Variants in QSER1 observed in about 807,000 individuals in gnomAD.
QSER1 encodes the protein glutamine and serine rich 1.
QSER1 carries 49 observed loss-of-function variants against 158.5 expected under a neutral mutation model. The observed-to-expected ratio is 0.31, with a 90% CI of 0.25 to 0.39. QSER1 has a LOEUF of 0.39. Ranked by LOEUF, QSER1 falls within the 10% of genes least tolerant of loss-of-function variation. The pLI is 1.00. For missense variants in QSER1, 1,754 were observed against 2,010.3 expected (o/e 0.87, Z 2.44); for synonymous variants, 650 against 715.5 (o/e 0.91, Z 1.46).
chr11:32,952,038 C>T (rs1162222785), intron 4 of QSER1, among the ~76,000 whole-genome samples: 1 of 152,046 alleles, frequency 6.6e-6, no homozygotes, highest in Non-Finnish European at 1.5e-5. Context: ...TGGGGTTTCA[C>T]CATGTTGGCC....
rs1246410678 is a variant in QSER1 at position 32,934,683 on chromosome 11, G to C, written c.3425G>C (p.Ser1142Thr). The change falls in exon 4 of 13, where the codon AGT becomes ACT. Residue 1142 changes from serine to threonine, a missense_variant. Coordinates refer to ENST00000650167, the MANE Select transcript of QSER1 (RefSeq NM_001076786.3). ...RNQEFVSSSR[S>T]ISGENATSES... ...CAAGAGTTTGTTTCTAGTAGTAGAA[G>C]TATAAGTGGAGAGAATGCTACATCA... The C allele has an allele frequency of 1.9e-6, 3 of 1,613,920 alleles. No individual in the cohort carries two copies. The highest frequency in any genetic ancestry group is 3.3e-5 in the Admixed American group (2 of 59,980).
At chr11:32,964,570 A>T (rs1427657745) in intron 8 of QSER1, among the ~76,000 whole-genome samples, 2 of 151,844 alleles carry the variant, frequency 1.3e-5, no homozygotes, top group East Asian at 1.9e-4. Flanking sequence ...TTTAAAATAC[A>T]TACACCTACT....
At chr11:32,955,221 CTT>C in intron 5 of QSER1, 73 bp from the exon 6 acceptor site, 1 of 792,322 alleles carries the variant, frequency 1.3e-6, no homozygotes, top group Non-Finnish European at 2.0e-6. Context: ...TTTCAGATTC[CTT>C]TCATCTCTAA....
intron 4 of QSER1, among the ~76,000 whole-genome samples, chr11:32,952,760 T>TA (rs1174131691): frequency 6.6e-6 from 1 of 151,376 alleles, no homozygotes; most frequent in Non-Finnish European, 1.5e-5. Flanking sequence ...TTTTTTTTTT[T>TA]ACTTTGTATT....
chr11:32,973,828 A>G (rs1852918408), intron 11 of QSER1, among the ~76,000 whole-genome samples: 1 of 152,166 alleles, frequency 6.6e-6, no homozygotes, highest in Non-Finnish European at 1.5e-5. Context: ...ATTTGTAGGT[A>G]GTTTTTCATT....
At chr11:32,926,400 CTGA>C (rs1470351819) in intron 1 of QSER1, among the ~76,000 whole-genome samples, 2 of 151,990 alleles carry the variant, frequency 1.3e-5, no homozygotes, top group African/African-American at 4.8e-5. Flanking sequence ...TGAGATGCAA[CTGA>C]TGATATCTCC....
intron 9 of QSER1, 91 bp downstream of exon 9, chr11:32,966,528 T>A: frequency 8.4e-7 from 1 of 1,194,138 alleles, no homozygotes; most frequent in Non-Finnish European, 1.2e-6. Context: ...ATATGTGACT[T>A]GTGTAATATA....
intron 9 of QSER1, 89 bp downstream of exon 9, chr11:32,966,526 C>T (rs2133602332): frequency 8.0e-7 from 1 of 1,257,842 alleles, no homozygotes; most frequent in Non-Finnish European, 1.1e-6. Context: ...TTATATGTGA[C>T]TTGTGTAATA....
At chr11:32,961,089 T>C (rs1023276982) in intron 8 of QSER1, among the ~76,000 whole-genome samples, 2 of 152,230 alleles carry the variant, frequency 1.3e-5, no homozygotes, top group African/African-American at 2.4e-5. Context: ...AACTATACTT[T>C]CCAAAACTAA....
rs749944030 is a variant in QSER1, at chr11:32,934,799, G to A, written c.3541G>A (p.Gly1181Arg). Reference protein sequence around the residue: ...ALALLAMAQSGDAVSVKIEEE... With the variant: ...ALALLAMAQSRDAVSVKIEEE... ...TGCACTGTTGGCCATGGCCCAATCT[G>A]GGGATGCAGTCAGTGTCAAGATTGA... is the stretch of plus-strand genomic sequence containing the variant. Residue 1181 changes from glycine to arginine, a missense_variant, in exon 4 of 13, where the codon GGG (glycine) becomes AGG (arginine). Gly to Arg is a moderately radical substitution (Grantham distance 125). Around this residue, in one of 2 missense-constraint regions of QSER1, gnomAD observed 1,707 missense variants for 1,919.6 expected, o/e 0.89. Transcript: ENST00000650167. 1.1e-5 allele frequency: 17 copies of A among 1,613,922 alleles called. No individual in the cohort carries two copies. The highest frequency in any genetic ancestry group is 1.4e-5 in the Non-Finnish European group (16 of 1,180,014).
Position 32,957,963 on chromosome 11 carries a change from G to A in QSER1, c.4846G>A (p.Val1616Ile), listed in dbSNP as rs777510512. 1.9e-6 allele frequency: 3 copies of A among 1,613,950 alleles called. No homozygotes were observed. Among genetic ancestry groups the A allele is most frequent in the Admixed American group, 1.7e-5 (1 of 60,006 alleles). The change falls in exon 8 of 13, where the codon GTT (valine) becomes ATT (isoleucine). Residue 1616 changes from valine (V) to isoleucine (I), a missense_variant. This residue lies in a region of QSER1 where 1,707 missense variants were observed against 1,919.6 expected (regional missense o/e 0.89). Coordinates refer to ENST00000650167, the MANE Select transcript of QSER1 (RefSeq NM_001076786.3). ...TTKAPSVKPK[V>I]KQPKVKAEPP... ...AAAAGCCCCTTCCGTGAAACCCAAAGTTAAACAGCCAAAAGTAAAGGCTGA... is the reference window on the plus strand; with the variant it reads ...AAAAGCCCCTTCCGTGAAACCCAAAATTAAACAGCCAAAAGTAAAGGCTGA...
intron 4 of QSER1, among the ~76,000 whole-genome samples, chr11:32,945,421 G>C (rs1387687457): frequency 6.6e-6 from 1 of 150,770 alleles, no homozygotes; most frequent in Non-Finnish European, 1.5e-5. Context: ...AGCTCTTTTA[G>C]GGCAGGCCTG....
At chr11:32,975,117 C>A in intron 11 of QSER1, 131 bp from the exon 12 acceptor site, 1 of 484,904 alleles carries the variant, frequency 2.1e-6, no homozygotes, top group South Asian at 4.6e-5. Context: ...CCATATTAAC[C>A]CAACTGAATA....
chr11:32,929,061 C>T (rs1400404264), intron 3 of QSER1, among the ~76,000 whole-genome samples: 1 of 151,796 alleles, frequency 6.6e-6, no homozygotes, highest in African/African-American at 2.4e-5. Flanking sequence ...AGTGTTTTTA[C>T]TCTTGTATAG....
chr11:32,904,443 G>T lies in QSER1; in HGVS notation c.209+11109G>T, dbSNP rs188055773. The stretch of plus-strand genomic sequence containing the variant: ...CTGACCTTGTGATCCACCCACCTTG[G>T]CCTCTCAAAGTGCTGGGATTACAGG... On this transcript the variant is annotated intron_variant, in intron 1 of 12. Transcript: ENST00000650167. 1.1e-4 allele frequency among the ~76,000 whole-genome samples: 16 copies of T among 152,066 alleles called. No homozygotes were observed. In the East Asian group the frequency reaches 2.7e-3, roughly 26 times the overall value.
chr11:32,956,320 TG>T (rs1442842648), intron 7 of QSER1, among the ~76,000 whole-genome samples, 199 bp downstream of exon 7: 1 of 152,108 alleles, frequency 6.6e-6, no homozygotes, highest in Non-Finnish European at 1.5e-5. Context: ...CTGTGGTGGG[TG>T]GGTGCCCTTT....
chr11:32,956,507 A>AT (rs970688253), intron 7 of QSER1, among the ~76,000 whole-genome samples: 5 of 150,900 alleles, frequency 3.3e-5, no homozygotes, highest in Admixed American at 1.3e-4. Flanking sequence ...ATAATTATTG[A>AT]TAAAAAAACT....
intron 1 of QSER1, chr11:32,926,633 T>C (rs1851975635): frequency 6.6e-6 from 1 of 152,202 alleles, no homozygotes; most frequent in Admixed American, 6.5e-5. Context: ...TGGGCTACTC[T>C]GAAAATGTTT....
At chr11:32,903,810 C>T (rs139496946) in intron 1 of QSER1, among the ~76,000 whole-genome samples, 34 of 152,244 alleles carry the variant, frequency 2.2e-4, no homozygotes, top group African/African-American at 6.3e-4. Flanking sequence ...TAGTGTTTCA[C>T]TGTGTTGGGC....
Sources: allele counts gnomAD v4.1 joint callset (sites outside exome capture counted in the v4.1 genomes callset), GRCh38; gene constraint gnomAD v4.1.1; regional missense constraint gnomAD v4.1.1; transcripts MANE v1.5; gene names NCBI Gene and HGNC (gene_info 2026-07-23, HGNC 2026-07-21).